The following GNB1 variants were observed in gnomAD, a reference collection of about 807,000 sequenced individuals.
GNB1 encodes the protein G protein subunit beta 1.
A neutral mutation model predicts 42.9 loss-of-function variants in GNB1; 2 were observed. The observed-to-expected ratio is 0.05, with a 90% CI of 0.02 to 0.15. GNB1 has a LOEUF of 0.15. Ranked by LOEUF, GNB1 falls within the 10% of genes least tolerant of loss-of-function variation. GNB1 has a pLI of 1.00. For synonymous variants in GNB1, 183 were observed against 174.7 expected (o/e 1.05, Z -0.38); for missense variants, 193 against 462.2 (o/e 0.42, Z 5.34).
chr1:1,875,016 A>G (rs1433448896), intron 1 of GNB1, among the ~76,000 whole-genome samples: 1 of 152,092 alleles, frequency 6.6e-6, no homozygotes, highest in Non-Finnish European at 1.5e-5. Flanking sequence ...TCGCGTGTGC[A>G]GTTCATGACG....
intron 1 of GNB1, among the ~76,000 whole-genome samples, chr1:1,850,619 T>G (rs1647929539): frequency 6.6e-6 from 1 of 152,100 alleles, no homozygotes; most frequent in Admixed American, 6.6e-5. Context: ...TTCTGCCTCC[T>G]GAAATTCTCG....
intron 2 of GNB1, among the ~76,000 whole-genome samples, chr1:1,831,039 C>T (rs571442390): frequency 2.6e-4 from 40 of 152,248 alleles, no homozygotes; most frequent in African/African-American, 9.1e-4. Context: ...GTGATGCGTG[C>T]CTGTAATCCC....
At chr1:1,889,934 C>G (rs1650381768) in intron 1 of GNB1, among the ~76,000 whole-genome samples, 1 of 152,016 alleles carries the variant, frequency 6.6e-6, no homozygotes, top group Non-Finnish European at 1.5e-5. Context: ...GACACCCAGC[C>G]TTTGTGCTAT....
chr1:1,844,098 G>A (rs1251074507), intron 1 of GNB1, among the ~76,000 whole-genome samples: 1 of 152,018 alleles, frequency 6.6e-6, no homozygotes, highest in Non-Finnish European at 1.5e-5. Context: ...GGGAGGGTGA[G>A]GCAGGAGAAT....
rs1339085875 is a variant in GNB1 at position 1,844,429 on chromosome 1, G to A, written c.-95-5191C>T. Among the ~76,000 whole-genome samples the A allele has an allele frequency of 4.6e-5, 7 of 150,658 alleles. No homozygotes were observed. In the South Asian group the frequency reaches 1.3e-3, roughly 27 times the overall value. On this transcript the variant is annotated intron_variant, in intron 1 of 11. Coordinates refer to ENST00000378609, the MANE Select transcript of GNB1 (RefSeq NM_002074.5). ...AAGAAAAAGATGGGCACTTTTTCAA[G>A]GCTCTTGATAAAATCAACTGACTCT...
chr1:1,842,332 A>C (rs1647275688), intron 1 of GNB1, among the ~76,000 whole-genome samples: 1 of 152,016 alleles, frequency 6.6e-6, no homozygotes, highest in Admixed American at 6.6e-5. Context: ...CTGGAGGCTG[A>C]GGCAGGAGAA....
chr1:1,808,298 G>A (rs542013838), intron 5 of GNB1, among the ~76,000 whole-genome samples: 3 of 152,174 alleles, frequency 2.0e-5, no homozygotes, highest in South Asian at 2.1e-4. Flanking sequence ...GAGCCACTGC[G>A]CCCGACCATG....
At chr1:1,843,338 G>A (rs144696618) in intron 1 of GNB1, among the ~76,000 whole-genome samples, 1,919 of 152,204 alleles carry the variant, frequency 0.013, 41 homozygotes, top group African/African-American at 0.044. Context: ...TCCTGCCTCA[G>A]CCTCCTGAGT....
chr1:1,836,387 CTTTTTT>C (rs34812880), intron 2 of GNB1, among the ~76,000 whole-genome samples: 1,947 of 85,182 alleles, frequency 0.023, 47 homozygotes, highest in African/African-American at 0.073. Context: ...CTTAATATTG[CTTTTTT>C]TTTTTTTTTT....
chr1:1,882,711 A>G (rs1295812429), intron 1 of GNB1, among the ~76,000 whole-genome samples: 3 of 152,138 alleles, frequency 2.0e-5, no homozygotes, highest in Non-Finnish European at 4.4e-5. Context: ...TCACGAGGTC[A>G]GGAGTTTGAG....
chr1:1,822,723 A>G (rs1282785088), intron 3 of GNB1, among the ~76,000 whole-genome samples: 1 of 152,148 alleles, frequency 6.6e-6, no homozygotes, highest in East Asian at 1.9e-4. Context: ...GGGAATTCAC[A>G]ACGTGACAGG....
chr1:1,870,053 G>C (rs917972221), intron 1 of GNB1, among the ~76,000 whole-genome samples: 7 of 152,104 alleles, frequency 4.6e-5, no homozygotes, highest in African/African-American at 1.7e-4. Flanking sequence ...TAGAGACGGG[G>C]TTTCACCATA....
At chr1:1,811,488 A>C (rs1411510455) in intron 5 of GNB1, among the ~76,000 whole-genome samples, 1 of 151,844 alleles carries the variant, frequency 6.6e-6, no homozygotes, top group East Asian at 2.0e-4. Context: ...AGGTCATGAG[A>C]TCGAGACCAC....
chr1:1,792,950 C>T (rs1469635224), intron 8 of GNB1, among the ~76,000 whole-genome samples: 1 of 151,634 alleles, frequency 6.6e-6, no homozygotes, highest in African/African-American at 2.4e-5. Context: ...CCTGTAATCC[C>T]AGCTATTCAG....
chr1:1,861,110 CAAAAAAAA>C lies in GNB1; in HGVS notation c.-95-21880_-95-21873del, dbSNP rs34626560. Among the ~76,000 whole-genome samples, 27 of 107,014 alleles carry C rather than the reference CAAAAAAAA, an allele frequency of 2.5e-4. 1 individual carries two copies. The highest frequency in any genetic ancestry group is 1.2e-3 in the African/African-American group (27 of 22,950). The allele number at this position is 107,014 out of a possible 152,430, so 70.2% of individuals were successfully genotyped here. On this transcript the variant is annotated intron_variant, in intron 1 of 11. Transcript: ENST00000378609. ...GGCGACAGAGCGAGACTCTGTCTCA[CAAAAAAAA>C]AAAAAAAAAAGGGAACTGACTTCCC...
rs1570674859 is a variant in GNB1 at position 1,825,420 on chromosome 1, C to T, written c.34G>A (p.Glu12Lys). ...ACTCGAATCTGGTTCTTAAGTTGCT[C>T]GGCCTCCTGCCGTAACTGGTCAAGC... ...SELDQLRQEA[E>K]QLKNQIRDAR... The change falls in exon 3 of 12, where the codon GAG (glutamate) becomes AAG (lysine). Residue 12 changes from glutamate (E) to lysine (K), a missense_variant. Coordinates refer to ENST00000378609, the MANE Select transcript of GNB1 (RefSeq NM_002074.5). 8 of 1,612,688 alleles carry T rather than the reference C, an allele frequency of 5.0e-6. No homozygotes were observed. The highest frequency in any genetic ancestry group is 6.8e-6 in the Non-Finnish European group (8 of 1,178,662).
intron 1 of GNB1, among the ~76,000 whole-genome samples, chr1:1,848,367 AAAAAAAAG>A (rs1647793812): frequency 1.3e-5 from 2 of 151,512 alleles, no homozygotes; most frequent in African/African-American, 2.4e-5. Context: ...CAAAAAAAAA[AAAAAAAAG>A]AAAAAGAAAA....
intron 2 of GNB1, among the ~76,000 whole-genome samples, chr1:1,835,165 G>C (rs935546679): frequency 6.6e-6 from 1 of 152,184 alleles, no homozygotes; most frequent in Non-Finnish European, 1.5e-5. Flanking sequence ...AAAAACTTCC[G>C]TGTTTTTATT....
chr1:1,885,131 A>C (rs1650075788), intron 1 of GNB1, among the ~76,000 whole-genome samples: 1 of 151,682 alleles, frequency 6.6e-6, no homozygotes, highest in African/African-American at 2.4e-5. Context: ...TTAAAAATTA[A>C]GCTGGGCACG....
Sources: allele counts gnomAD v4.1 joint callset (sites outside exome capture counted in the v4.1 genomes callset), GRCh38; gene constraint gnomAD v4.1.1; transcripts MANE v1.5; gene names NCBI Gene and HGNC (gene_info 2026-07-23, HGNC 2026-07-21).